Variants in BTRC observed in about 807,000 individuals in gnomAD.
The protein encoded by BTRC is F-box/WD repeat-containing protein 1A.
Under a neutral mutation model 85.5 loss-of-function variants are expected in BTRC, and 42 were observed. The observed-to-expected ratio is 0.49, with a 90% CI of 0.38 to 0.64. The LOEUF (loss-of-function observed/expected upper bound fraction) is 0.64, where lower values mean the gene tolerates loss of function less well. BTRC is among the 30% of genes least tolerant of loss of function. BTRC has a pLI of 0.00. For synonymous variants in BTRC, 255 were observed against 263.3 expected, an observed-to-expected ratio of 0.97 and a Z score of 0.30; for missense variants, 594 against 743.5, an observed-to-expected ratio of 0.80 and a Z score of 2.34.
chr10:101,518,222 C>T (rs2062050602), intron 4 of BTRC, among the ~76,000 whole-genome samples: 1 of 152,158 alleles, frequency 6.6e-6, no homozygotes, highest in South Asian at 2.1e-4. Flanking sequence ...GAAGTAGTGT[C>T]TTAATTGGCC....
At chr10:101,552,860 G>T (rs2062673467) in intron 14 of BTRC, among the ~76,000 whole-genome samples, 1 of 152,152 alleles carries the variant, frequency 6.6e-6, no homozygotes, top group Non-Finnish European at 1.5e-5. Flanking sequence ...CCATTCTACA[G>T]GGCAAGTGAA....
At chr10:101,430,167 C>CCCTACTG (rs1460101233) in intron 1 of BTRC, among the ~76,000 whole-genome samples, 178 bp from the exon 2 acceptor site, 3 of 152,190 alleles carry the variant, frequency 2.0e-5, no homozygotes, top group African/African-American at 7.2e-5. Flanking sequence ...GCCACTACTG[C>CCCTACTG]CCCTTTTGGG....
intron 2 of BTRC, among the ~76,000 whole-genome samples, chr10:101,438,716 A>G (rs938983510): frequency 2.0e-5 from 3 of 152,160 alleles, no homozygotes; most frequent in Non-Finnish European, 4.4e-5. Flanking sequence ...AATTTGTAAT[A>G]TAATATTAGT....
chr10:101,404,026 A>ATTTTTTTTT (rs1438676972), intron 1 of BTRC, among the ~76,000 whole-genome samples: 11 of 26,198 alleles, frequency 4.2e-4, no homozygotes, highest in Non-Finnish European at 5.0e-4. Context: ...ATATATATAT[A>ATTTTTTTTT]TATATTTTTT....
chr10:101,428,871 G>A (rs750777812), intron 1 of BTRC, among the ~76,000 whole-genome samples: 1 of 152,106 alleles, frequency 6.6e-6, no homozygotes. Flanking sequence ...TTGCTGTGCT[G>A]CCCAGGCTGG....
intron 2 of BTRC, among the ~76,000 whole-genome samples, chr10:101,443,535 C>T (rs372144138): frequency 6.6e-6 from 1 of 152,104 alleles, no homozygotes; most frequent in Admixed American, 6.5e-5. Flanking sequence ...GGTTACCATT[C>T]TGAGCATTTA....
chr10:101,492,882 G>C (rs1049590833), intron 4 of BTRC, among the ~76,000 whole-genome samples: 1 of 152,098 alleles, frequency 6.6e-6, no homozygotes, highest in Non-Finnish European at 1.5e-5. Context: ...CATCTAGCCT[G>C]GGACACTAGA....
intron 5 of BTRC, among the ~76,000 whole-genome samples, chr10:101,523,498 T>G (rs2062149917): frequency 6.6e-6 from 1 of 152,168 alleles, no homozygotes; most frequent in Non-Finnish European, 1.5e-5. Flanking sequence ...CCAGCATGAA[T>G]GAATCTTATA....
At chr10:101,460,328 G>A (rs755025320) in intron 2 of BTRC, among the ~76,000 whole-genome samples, 11 of 151,906 alleles carry the variant, frequency 7.2e-5, no homozygotes, top group Non-Finnish European at 1.2e-4. Flanking sequence ...TGTATTGCCA[G>A]TCGCCTCATT....
At chr10:101,493,094 G>A (rs938389679) in intron 4 of BTRC, among the ~76,000 whole-genome samples, 1 of 152,246 alleles carries the variant, frequency 6.6e-6, no homozygotes, top group East Asian at 1.9e-4. Flanking sequence ...TAGAAAATGT[G>A]TAGTAAAGGT....
At chr10:101,533,676 G>A (rs2062335433) in intron 9 of BTRC, among the ~76,000 whole-genome samples, 1 of 151,858 alleles carries the variant, frequency 6.6e-6, no homozygotes, top group South Asian at 2.1e-4. Flanking sequence ...AAAGGATTTA[G>A]CAAACATAAT....
intron 4 of BTRC, among the ~76,000 whole-genome samples, chr10:101,488,954 ACT>A (rs1946059978): frequency 1.3e-5 from 2 of 151,772 alleles, no homozygotes; most frequent in African/African-American, 4.8e-5. Context: ...AATAGGTATA[ACT>A]CTCTAGGCTT....
At position 101,415,183 on chromosome 10, in the gene BTRC, T is replaced by A. The variant is rs183549669; in HGVS notation, c.49-15162T>A. On this transcript the variant is annotated intron_variant, in intron 1 of 14. Coordinates refer to ENST00000370187, the MANE Select transcript of BTRC (RefSeq NM_033637.4). The stretch of plus-strand genomic sequence containing the variant: ...TATAGGTGTACCATTTTTTATCTTT[T>A]TGTCTTTTTTTTTGAGACAAGGTCT... 2.8e-3 allele frequency among the ~76,000 whole-genome samples: 366 copies of A among 129,216 alleles called. 3 individuals carry two copies. Among genetic ancestry groups the A allele is most frequent in the African/African-American group, 0.013 (346 of 26,616 alleles). The allele number at this position is 129,216 out of a possible 152,430, so 84.8% of individuals were successfully genotyped here.
At chr10:101,477,772 C>T (rs1333357729) in intron 3 of BTRC, among the ~76,000 whole-genome samples, 4 of 152,076 alleles carry the variant, frequency 2.6e-5, no homozygotes, top group African/African-American at 9.7e-5. Flanking sequence ...CCCTCAGCCT[C>T]CTGAGTAGCT....
At chr10:101,358,903 A>G (rs10883619) in intron 1 of BTRC, among the ~76,000 whole-genome samples, 55,588 of 152,108 alleles carry the variant, frequency 0.37, 11,204 homozygotes, top group Middle Eastern at 0.48. Context: ...TGCATAAACA[A>G]GGAAGGGGGA....
At chr10:101,383,508 T>C (rs1039656722) in intron 1 of BTRC, among the ~76,000 whole-genome samples, 1 of 152,140 alleles carries the variant, frequency 6.6e-6, no homozygotes, top group African/African-American at 2.4e-5. Flanking sequence ...TTTCTTCCTT[T>C]CTTCTTTTCT....
intron 13 of BTRC, among the ~76,000 whole-genome samples, chr10:101,541,837 T>A (rs1250717294): frequency 6.6e-6 from 1 of 152,212 alleles, no homozygotes; most frequent in Admixed American, 6.5e-5. Flanking sequence ...TGCTAATATC[T>A]TTTTAAGGAT....
intron 1 of BTRC, among the ~76,000 whole-genome samples, chr10:101,360,067 T>G (rs1590196326): frequency 6.6e-6 from 1 of 152,234 alleles, no homozygotes. Flanking sequence ...TTAAAAAAAC[T>G]TAATTGAGAC....
At chr10:101,424,601 G>A (rs779667946) in intron 1 of BTRC, among the ~76,000 whole-genome samples, 4 of 152,242 alleles carry the variant, frequency 2.6e-5, no homozygotes, top group South Asian at 2.1e-4. Context: ...TTCAGCTTTC[G>A]TATAGTAAAT....
Sources: gnomAD v4.1 joint callset for allele counts (sites outside exome capture counted in the v4.1 genomes callset) on GRCh38, gnomAD v4.1.1 for gene constraint, MANE v1.5 for transcripts, NCBI Gene and HGNC (gene_info 2026-07-23, HGNC 2026-07-21) for gene names.